ZSCAN12: variants seen among roughly 807,000 people sequenced by gnomAD.
The protein encoded by ZSCAN12 is zinc finger and SCAN domain containing 12.
A neutral mutation model predicts 23.4 loss-of-function variants in ZSCAN12; 18 were observed. The ratio of observed to expected loss-of-function variants is 0.77; its 90% CI spans 0.53 to 1.14. The LOEUF (loss-of-function observed/expected upper bound fraction) is 1.14. Ranked by LOEUF, ZSCAN12 falls within the 50% of genes most tolerant of loss-of-function variation. The pLI is 0.00. For synonymous variants in ZSCAN12, 186 were observed against 253.4 expected (o/e 0.73, Z 2.53); for missense variants, 650 against 735.0 (o/e 0.88, Z 1.34).
chr6:28,381,943 A>G (rs1250397561), downstream of ZSCAN12: 1 of 152,214 alleles, frequency 6.6e-6, no homozygotes, highest in Non-Finnish European at 1.5e-5. Context: ...AGATGCACCT[A>G]AATAACAGGA....
In ZSCAN12 at chr6:28,391,269, G is replaced by A. The variant is rs1400291459; in HGVS notation, c.1021C>T (p.Arg341Trp). 10 of 1,551,730 alleles carry A rather than the reference G, an allele frequency of 6.4e-6. No individual in the cohort carries two copies. The highest frequency in any genetic ancestry group is 3.9e-5 in the Admixed American group (2 of 50,974). The change falls in exon 4 of 4, where the codon CGG becomes TGG. Residue 341 changes from arginine (R) to tryptophan (W), a missense_variant. Physicochemically the swap from Arg to Trp is moderately radical, Grantham distance 101. Coordinates refer to ENST00000684592, the MANE Select transcript of ZSCAN12 (RefSeq NM_001163391.2). The surrounding 1 kb of genome is among the most constrained non-coding windows in gnomAD (Gnocchi z 4.1). ...KCNECGKAFGRWSALNQHQRL... is the reference protein window; with the variant it reads ...KCNECGKAFGWWSALNQHQRL... The stretch of plus-strand genomic sequence containing the variant: ...TGATGTTGGTTAAGAGCTGACCACC[G>A]GCCAAAGGCTTTGCCACATTCATTA...
chr6:28,395,311 C>T (rs555725630), intron 2 of ZSCAN12, among the ~76,000 whole-genome samples: 1 of 152,256 alleles, frequency 6.6e-6, no homozygotes, highest in South Asian at 2.1e-4. Flanking sequence ...CTATGAATGA[C>T]AAATCCACTC....
In ZSCAN12 at chr6:28,390,309, T is replaced by C; in HGVS notation, c.*145A>G. The C allele has an allele frequency of 1.7e-6, 1 of 580,408 alleles. No homozygotes were observed. The highest frequency in any genetic ancestry group is 2.1e-5 in the South Asian group (1 of 48,164). The allele number at this position is 580,408 out of a possible 1,614,324, so 36.0% of individuals were successfully genotyped here. A position where few individuals can be genotyped will look rare whatever the true frequency, so the allele number is the denominator to read the frequency against. ...TCTTCTTGTTCTCCACAGCACGTAG[T>C]ACAATGGGCAGCACACAGTGAATTC... On this transcript the variant is annotated 3_prime_UTR_variant, in exon 4 of 4. Transcript: ENST00000684592.
At chr6:28,395,846 C>T (rs1761081246) in intron 2 of ZSCAN12, among the ~76,000 whole-genome samples, 1 of 152,154 alleles carries the variant, frequency 6.6e-6, no homozygotes, top group Non-Finnish European at 1.5e-5. Context: ...TTATGGCTTG[C>T]TCTTTTCATT....
chr6:28,381,112 A>G (rs534967856), downstream of ZSCAN12: 2 of 152,372 alleles, frequency 1.3e-5, no homozygotes, highest in Non-Finnish European at 2.9e-5. Flanking sequence ...AAGACTTTTC[A>G]CAAAAATGTG....
At chr6:28,383,980 C>T (rs1013810697), downstream of ZSCAN12, among the ~76,000 whole-genome samples, 7 of 152,184 alleles carry the variant, frequency 4.6e-5, no homozygotes, top group Non-Finnish European at 8.8e-5. Context: ...TCTAACACTT[C>T]GTAAACTCAT....
Position 28,398,191 on chromosome 6 carries a change from T to C in ZSCAN12, c.215A>G (p.His72Arg), listed in dbSNP as rs1247617325. The change falls in exon 2 of 4, where the codon CAT becomes CGT. Residue 72 changes from histidine (H) to arginine (R), a missense_variant. By Grantham distance (29) the His-to-Arg change is conservative. Coordinates refer to ENST00000684592, the MANE Select transcript of ZSCAN12 (RefSeq NM_001163391.2). ...EALSRLRELC[H>R]QWLRPETHTK... ...GTGGGTCTCTGGCCTCAGCCACTGA[T>C]GGCAAAGTTCTCGGAGTCGGCTCAA... The C allele has an allele frequency of 1.9e-6, 3 of 1,614,064 alleles. No homozygotes were observed. Among genetic ancestry groups the C allele is most frequent in the East Asian group, 4.5e-5 (2 of 44,874 alleles).
rs1387651307 is a variant in ZSCAN12, at chr6:28,388,629, T to A, written c.*1825A>T. 1.3e-5 allele frequency among the ~76,000 whole-genome samples: 2 copies of A among 152,038 alleles called. No individual in the cohort carries two copies. The highest frequency in any genetic ancestry group is 2.4e-5 in the African/African-American group (1 of 41,386). On this transcript the variant is annotated 3_prime_UTR_variant, in exon 4 of 4. Transcript: ENST00000684592. ...GACACAGGGCTGTGTAGAAAGGTAA[T>A]TAGGAGTGGGACTTACTAAGGAAGA...
intron 2 of ZSCAN12, 35 bp downstream of exon 2, chr6:28,397,969 G>A: frequency 2.6e-6 from 4 of 1,520,750 alleles, no homozygotes; most frequent in Non-Finnish European, 3.5e-6. Context: ...CACAATTTAT[G>A]TTTTCTCAAG....
At chr6:28,393,257 G>A (rs955691527) in intron 2 of ZSCAN12, among the ~76,000 whole-genome samples, 6 of 151,946 alleles carry the variant, frequency 3.9e-5, no homozygotes, top group Non-Finnish European at 7.4e-5. Context: ...TGTTGTTACC[G>A]CTAAAGTATG....
In ZSCAN12 at chr6:28,398,252, A is replaced by T. The variant is rs766066489; in HGVS notation, c.154T>A (p.Phe52Ile). Reference sequence around the variant, plus strand: ...GGACCAGATGTCTCCTGGTAGCAGAACTGTCTGAAGTACTGACGGAAGACC... The same window carrying T: ...GGACCAGATGTCTCCTGGTAGCAGATCTGTCTGAAGTACTGACGGAAGACC... Reference protein sequence around the residue: ...REVFRQYFRQFCYQETSGPRE... With the variant: ...REVFRQYFRQICYQETSGPRE... Residue 52 changes from phenylalanine (F) to isoleucine (I), a missense_variant, in exon 2 of 4, where the codon TTC becomes ATC. Phe to Ile is a conservative substitution (Grantham distance 21, BLOSUM62 0). Coordinates refer to ENST00000684592, the MANE Select transcript of ZSCAN12 (RefSeq NM_001163391.2). 1 of 1,613,728 alleles carries T rather than the reference A, an allele frequency of 6.2e-7. No homozygotes were observed. Among genetic ancestry groups the T allele is most frequent in the Non-Finnish European group, 8.5e-7 (1 of 1,179,814 alleles).
intron 3 of ZSCAN12, among the ~76,000 whole-genome samples, chr6:28,392,510 T>A (rs532251146): frequency 4.4e-3 from 663 of 152,214 alleles, no homozygotes; most frequent in East Asian, 7.9e-3. Context: ...TACAAATTTT[T>A]TTTTTCTTGA....
chr6:28,382,791 TA>T (rs534323283), downstream of ZSCAN12, among the ~76,000 whole-genome samples: 20 of 152,306 alleles, frequency 1.3e-4, no homozygotes, highest in African/African-American at 4.6e-4. Context: ...TTTTACTCTC[TA>T]AAAGTTTTTA....
At position 28,398,009 on chromosome 6, in the gene ZSCAN12, C is replaced by T; in HGVS notation, c.397G>A (p.Glu133Lys). 1 of 1,586,562 alleles carries T rather than the reference C, an allele frequency of 6.3e-7. No individual in the cohort carries two copies. The highest frequency in any genetic ancestry group is 8.6e-7 in the Non-Finnish European group (1 of 1,168,406). Residue 133 changes from glutamate (E) to lysine (K), a missense_variant, in exon 2 of 4, where the codon GAG becomes AAG. Coordinates refer to ENST00000684592, the MANE Select transcript of ZSCAN12 (RefSeq NM_001163391.2). Reference protein sequence around the residue: ...DLERELDEPGEQVSVHTGEQE... With the variant: ...DLERELDEPGKQVSVHTGEQE... ...AGTCACATCTTTTTTCTCACCTGCT[C>T]TCCTGGTTCATCCAGTTCTCTCTCT...
downstream of ZSCAN12, chr6:28,382,446 C>CT: frequency 6.5e-7 from 1 of 1,526,730 alleles, no homozygotes. Context: ...CAGCCTGATT[C>CT]TTTGTTCTAG....
In ZSCAN12 at chr6:28,389,704, T is replaced by G. The variant is rs1388418529; in HGVS notation, c.*750A>C. The stretch of plus-strand genomic sequence containing the variant: ...GAAGTCAAAAGACCTGCACTTAGGT[T>G]ACTGGTCTTTTTCTTTGTGTGGGAT... On this transcript the variant is annotated 3_prime_UTR_variant, in exon 4 of 4. Coordinates refer to ENST00000684592, the MANE Select transcript of ZSCAN12 (RefSeq NM_001163391.2). 6.6e-6 allele frequency among the ~76,000 whole-genome samples: 1 copy of G among 152,210 alleles called. No individual in the cohort carries two copies. The highest frequency in any genetic ancestry group is 2.4e-5 in the African/African-American group (1 of 41,452).
Position 28,391,584 on chromosome 6 carries a change from G to T in ZSCAN12, c.706C>A (p.Pro236Thr). 6.4e-7 allele frequency: 1 copy of T among 1,552,264 alleles called. No homozygotes were observed. Among genetic ancestry groups the T allele is most frequent in the Non-Finnish European group, 8.7e-7 (1 of 1,147,116 alleles). ...TTATCTTCTCTGGAGCAAGCAGAGG[G>T]CTCTTCTGTTATTTCTTCAGGTTCA... ...TREPEEITEE[P>T]SACSREDKQP... is the part of the protein sequence containing the mutation. Residue 236 changes from proline to threonine, a missense_variant, in exon 4 of 4, where the codon CCC (proline) becomes ACC (threonine). By Grantham distance (38) the Pro-to-Thr change is conservative. Transcript: ENST00000684592. The surrounding 1 kb of genome is among the most constrained non-coding windows in gnomAD (Gnocchi z 4.1).
In ZSCAN12 at chr6:28,398,315, C is replaced by T. The variant is rs1438411299; in HGVS notation, c.91G>A (p.Asp31Asn). The T allele has an allele frequency of 6.4e-7, 1 of 1,570,790 alleles. No individual in the cohort carries two copies. ...IEEEKYTTRQ[D>N]WDLRKNNTHS... ...GTGTTGTTTTTACGCAGGTCCCAAT[C>T]CTGTCTGGTGGTATATTTCTCTTCC... The change falls in exon 2 of 4, where the codon GAT (aspartate) becomes AAT (asparagine). Residue 31 changes from aspartate (D) to asparagine (N), a missense_variant. By Grantham distance (23) the Asp-to-Asn change is conservative. Transcript: ENST00000684592.
chr6:28,396,291 CCT>C (rs771501529), intron 2 of ZSCAN12, among the ~76,000 whole-genome samples: 2 of 151,982 alleles, frequency 1.3e-5, no homozygotes, highest in East Asian at 2.0e-4. Flanking sequence ...AGCAGCAACC[CCT>C]GTGTTTTGTT....
Sources: gnomAD v4.1 joint callset for allele counts (sites outside exome capture counted in the v4.1 genomes callset) on GRCh38, gnomAD v4.1.1 for gene constraint, Gnocchi (gnomAD v3.1) non-coding constraint, MANE v1.5 for transcripts, NCBI Gene and HGNC (gene_info 2026-07-23, HGNC 2026-07-21) for gene names.